Variants in STK39 observed in about 807,000 individuals in gnomAD.
The protein encoded by STK39 is serine/threonine kinase 39, also known as STE20/SPS1-related proline-alanine-rich protein kinase.
In STK39, 20 loss-of-function variants were observed where a neutral mutation model predicts 77.8. That is an observed-to-expected ratio of 0.26 (90% confidence interval 0.18 to 0.37). STK39 has a LOEUF of 0.37. Among genes scored for constraint, STK39 ranks in the 10% least tolerant of loss-of-function variants. STK39 has a pLI of 1.00. For synonymous variants in STK39, 246 were observed against 234.1 expected, an observed-to-expected ratio of 1.05 and a Z score of -0.47; for missense variants, 479 against 656.5, an observed-to-expected ratio of 0.73 and a Z score of 2.95.
intron 16 of STK39, among the ~76,000 whole-genome samples, chr2:167,998,831 G>A (rs1451225062): frequency 1.3e-5 from 2 of 152,162 alleles, no homozygotes; most frequent in African/African-American, 4.8e-5. Context: ...AAGTCCTCCA[G>A]GATGATTTGC....
intron 14 of STK39, among the ~76,000 whole-genome samples, chr2:168,024,004 A>G (rs907734337): frequency 3.3e-5 from 5 of 152,172 alleles, no homozygotes; most frequent in Admixed American, 1.3e-4. Context: ...AGGGATACCC[A>G]CACACTCAAT....
At chr2:168,098,903 C>T (rs1336779276) in intron 10 of STK39, among the ~76,000 whole-genome samples, 3 of 152,244 alleles carry the variant, frequency 2.0e-5, no homozygotes, top group African/African-American at 4.8e-5. Flanking sequence ...AGTGGAGCTA[C>T]GTGGCTTCCA....
chr2:168,219,001 G>A (rs1690094852), intron 1 of STK39, among the ~76,000 whole-genome samples: 3 of 152,152 alleles, frequency 2.0e-5, no homozygotes, highest in Non-Finnish European at 2.9e-5. Context: ...ACATTACACA[G>A]CTACAGGTCA....
intron 16 of STK39, among the ~76,000 whole-genome samples, chr2:167,979,221 G>A (rs1449112991): frequency 6.6e-6 from 1 of 152,136 alleles, no homozygotes; most frequent in African/African-American, 2.4e-5. Context: ...TCACATGATA[G>A]AAGTATTTTT....
intron 1 of STK39, among the ~76,000 whole-genome samples, chr2:168,244,465 C>T (rs1422638488): frequency 2.0e-5 from 3 of 152,194 alleles, no homozygotes; most frequent in African/African-American, 7.2e-5. Flanking sequence ...GGTCACGGTT[C>T]ACACTGCTGG....
At chr2:168,201,241 T>A (rs1689603743) in intron 1 of STK39, among the ~76,000 whole-genome samples, 1 of 152,250 alleles carries the variant, frequency 6.6e-6, no homozygotes, top group African/African-American at 2.4e-5. Flanking sequence ...ATTTTCTTTT[T>A]AAATATTTAA....
At chr2:168,024,851 T>TA (rs1684657232) in intron 14 of STK39, among the ~76,000 whole-genome samples, 1 of 152,176 alleles carries the variant, frequency 6.6e-6, no homozygotes, top group South Asian at 2.1e-4. Flanking sequence ...TTAGAAAGGA[T>TA]AAAGAATAGA....
At chr2:168,054,381 T>C (rs1179629674) in intron 14 of STK39, among the ~76,000 whole-genome samples, 7 of 152,210 alleles carry the variant, frequency 4.6e-5, no homozygotes, top group Admixed American at 2.6e-4. Flanking sequence ...CTGGTAACAA[T>C]AGGATGGATG....
At chr2:168,009,195 CAG>C (rs1684207433) in intron 16 of STK39, among the ~76,000 whole-genome samples, 1 of 151,848 alleles carries the variant, frequency 6.6e-6, no homozygotes, top group African/African-American at 2.4e-5. Context: ...GGGGTAAAGA[CAG>C]GGCTTTCTGA....
intron 7 of STK39, among the ~76,000 whole-genome samples, chr2:168,139,097 G>A (rs1687910378): frequency 1.3e-5 from 2 of 152,176 alleles, no homozygotes; most frequent in Non-Finnish European, 2.9e-5. Context: ...ATTGTTTGTG[G>A]AGGATAATAG....
intron 17 of STK39, among the ~76,000 whole-genome samples, chr2:167,956,557 C>G (rs1691769436): frequency 8.0e-6 from 1 of 124,646 alleles, no homozygotes; most frequent in Middle Eastern, 3.8e-3. Flanking sequence ...AGCGAGACTC[C>G]ACCTCAGAAA....
intron 16 of STK39, among the ~76,000 whole-genome samples, chr2:167,976,365 A>G (rs1683276648): frequency 6.6e-6 from 1 of 152,164 alleles, no homozygotes; most frequent in East Asian, 1.9e-4. Flanking sequence ...AAGCTGCCTT[A>G]ATTTTTTCTG....
chr2:168,133,879 GGGAAGACA>G (rs1388018287), intron 8 of STK39, among the ~76,000 whole-genome samples: 1 of 151,986 alleles, frequency 6.6e-6, no homozygotes, highest in Admixed American at 6.6e-5. Context: ...AAATGACAGA[GGGAAGACA>G]GTGATAGGAA....
At chr2:168,145,731 G>C (rs550474092) in intron 5 of STK39, among the ~76,000 whole-genome samples, 154 of 152,252 alleles carry the variant, frequency 1.0e-3, no homozygotes, top group Non-Finnish European at 1.9e-3. Context: ...CAACCTAGGT[G>C]GTCAGCTGGC....
chr2:168,220,237 CGCAACA>C (rs1315614786), intron 1 of STK39, among the ~76,000 whole-genome samples: 1 of 152,052 alleles, frequency 6.6e-6, no homozygotes, highest in African/African-American at 2.4e-5. Flanking sequence ...CAACTCAATT[CGCAACA>C]GCAACAAATG....
intron 1 of STK39, among the ~76,000 whole-genome samples, chr2:168,226,608 T>C (rs1196085425): frequency 2.0e-5 from 3 of 152,142 alleles, no homozygotes; most frequent in African/African-American, 7.2e-5. Context: ...CAATCCACAA[T>C]TACCCAACCA....
At chr2:168,000,299 T>A (rs1574380615) in intron 16 of STK39, among the ~76,000 whole-genome samples, 1 of 152,212 alleles carries the variant, frequency 6.6e-6, no homozygotes, top group Non-Finnish European at 1.5e-5. Flanking sequence ...CAAAAATTAA[T>A]TTCTCATACT....
intron 12 of STK39, 49 bp downstream of exon 12, chr2:168,074,933 C>G (rs377049943): frequency 1.6e-5 from 25 of 1,599,990 alleles, no homozygotes; most frequent in Non-Finnish European, 2.1e-5. Flanking sequence ...TCTGATACCA[C>G]AAGAAAGGAA....
chr2:168,010,078 T>A (rs1684232844), intron 16 of STK39, among the ~76,000 whole-genome samples: 1 of 152,250 alleles, frequency 6.6e-6, no homozygotes, highest in African/African-American at 2.4e-5. Flanking sequence ...TCTCTTATTT[T>A]CTGTGTTCCT....
Sources: allele counts gnomAD v4.1 joint callset (sites outside exome capture counted in the v4.1 genomes callset), GRCh38; gene constraint gnomAD v4.1.1; transcripts MANE v1.5; gene names NCBI Gene and HGNC (gene_info 2026-07-23, HGNC 2026-07-21).